ROS1: variants seen among roughly 807,000 people sequenced by gnomAD.
ROS1 encodes ROS proto-oncogene 1, receptor tyrosine kinase, also known as proto-oncogene tyrosine-protein kinase ROS.
Under a neutral mutation model 273.5 loss-of-function variants are expected in ROS1, and 263 were observed. That is an observed-to-expected ratio of 0.96 (90% CI 0.87 to 1.06). ROS1 has a LOEUF of 1.06. Ranked by LOEUF, ROS1 falls within the 50% of genes least tolerant of loss-of-function variation. ROS1 has a pLI of 0.00. For synonymous variants in ROS1, 1,008 were observed against 954.1 expected, an observed-to-expected ratio of 1.06 and a Z score of -1.04; for missense variants, 2,833 against 2,751.1, an observed-to-expected ratio of 1.03 and a Z score of -0.67.
At chr6:117,313,153 G>A (rs1199189571) in intron 39 of ROS1, among the ~76,000 whole-genome samples, 1 of 152,080 alleles carries the variant, frequency 6.6e-6, no homozygotes, top group African/African-American at 2.4e-5. Flanking sequence ...AAACACCCAG[G>A]AAAAATTTGG....
intron 33 of ROS1, chr6:117,328,870 T>A (rs2128591323): frequency 1.6e-6 from 1 of 613,044 alleles, no homozygotes; most frequent in Non-Finnish European, 3.2e-6. Flanking sequence ...CTGTGTGACC[T>A]CTACACTTCA....
At chr6:117,321,875 G>A (rs1172494284) in intron 35 of ROS1, among the ~76,000 whole-genome samples, 1 of 94,366 alleles carries the variant, frequency 1.1e-5, no homozygotes, top group South Asian at 3.3e-4. Flanking sequence ...GTTTATCATT[G>A]TTGTTCATAT....
At chr6:117,315,473 A>T (rs1052328843) in intron 39 of ROS1, among the ~76,000 whole-genome samples, 1 of 152,130 alleles carries the variant, frequency 6.6e-6, no homozygotes, top group Non-Finnish European at 1.5e-5. Flanking sequence ...GAGGCAAAAA[A>T]CAGACCACTG....
At chr6:117,383,087 A>G (rs1405984149) in intron 17 of ROS1, among the ~76,000 whole-genome samples, 3 of 152,144 alleles carry the variant, frequency 2.0e-5, no homozygotes, top group African/African-American at 7.2e-5. Flanking sequence ...TCCATAGTGC[A>G]TTTGAACTTA....
In ROS1 at chr6:117,311,127, A is replaced by G. The variant is rs1270871122; in HGVS notation, c.6118-10T>C. ...GTAAAGGACCATAAAACTGTAAGAAATGAAAGAAAAATTACAGGTAGTTAT... is the reference window on the plus strand; with the variant it reads ...GTAAAGGACCATAAAACTGTAAGAAGTGAAAGAAAAATTACAGGTAGTTAT... On this transcript the variant is annotated splice_polypyrimidine_tract_variant and intron_variant, in intron 39 of 43. Transcript: ENST00000368507. 1 of 1,542,328 alleles carries G rather than the reference A, an allele frequency of 6.5e-7. No individual in the cohort carries two copies.
chr6:117,358,052 T>A (rs773586096), intron 24 of ROS1, 43 bp from the exon 25 acceptor site: 2 of 1,365,604 alleles, frequency 1.5e-6, no homozygotes, highest in East Asian at 4.6e-5. Flanking sequence ...AGAGTGGTTA[T>A]TTTTTTATTT....
intron 6 of ROS1, among the ~76,000 whole-genome samples, chr6:117,403,882 C>T (rs1021770081): frequency 2.6e-5 from 4 of 151,342 alleles, no homozygotes; most frequent in Non-Finnish European, 5.9e-5. Flanking sequence ...CCCAACTACC[C>T]ATCTTACAGC....
chr6:117,369,446 C>T (rs527786685), intron 18 of ROS1, among the ~76,000 whole-genome samples: 21 of 151,986 alleles, frequency 1.4e-4, no homozygotes, highest in Non-Finnish European at 2.5e-4. Flanking sequence ...TGTTGGCGGG[C>T]GCCTGTAGTC....
rs576196461 is a variant in ROS1, at chr6:117,339,634, G to A, written c.5061+1501C>T. ...TTTACTGTACTCATAGTTAGTATTT[G>A]TAGATGGCCACTCATGTACAAATGA... On this transcript the variant is annotated intron_variant, in intron 31 of 43. Coordinates refer to ENST00000368507, the MANE Select transcript of ROS1 (RefSeq NM_001378902.1). 1.2e-4 allele frequency among the ~76,000 whole-genome samples: 18 copies of A among 152,202 alleles called. No individual in the cohort carries two copies. The South Asian group carries it at 3.7e-3, about 32-fold the overall frequency.
Position 117,425,804 on chromosome 6 carries a change from T to G in ROS1, c.-148A>C. The G allele has an allele frequency of 1.3e-6, 1 of 787,854 alleles. No individual in the cohort carries two copies. The highest frequency in any genetic ancestry group is 1.6e-5 in the South Asian group (1 of 62,852). The allele number at this position is 787,854 out of a possible 1,614,324, so 48.8% of individuals were successfully genotyped here. On this transcript the variant is annotated 5_prime_UTR_variant, in exon 1 of 44. Coordinates refer to ENST00000368507, the MANE Select transcript of ROS1 (RefSeq NM_001378902.1). The stretch of plus-strand genomic sequence containing the variant: ...GCTATATTAGGATATACTTGCCTTT[T>G]GAAATAATACTTAGCCTTTTTCATT...
intron 12 of ROS1, 73 bp downstream of exon 12, chr6:117,393,151 T>G (rs1773201253): frequency 1.1e-6 from 1 of 910,222 alleles, no homozygotes; most frequent in Non-Finnish European, 1.8e-6. Context: ...CAATGTTTCA[T>G]TAGCAAGCAA....
At chr6:117,352,628 G>T (rs1778969997) in intron 27 of ROS1, among the ~76,000 whole-genome samples, 1 of 152,130 alleles carries the variant, frequency 6.6e-6, no homozygotes, top group South Asian at 2.1e-4. Flanking sequence ...TTGAAAACAA[G>T]GTTGTATGCA....
chr6:117,391,454 G>A (rs1773060665), intron 12 of ROS1, among the ~76,000 whole-genome samples: 1 of 152,178 alleles, frequency 6.6e-6, no homozygotes, highest in African/African-American at 2.4e-5. Flanking sequence ...AGAAGCTGGG[G>A]TGGAAGAAGA....
At chr6:117,359,375 G>A (rs1483309336) in intron 24 of ROS1, among the ~76,000 whole-genome samples, 1 of 152,166 alleles carries the variant, frequency 6.6e-6, no homozygotes, top group Non-Finnish European at 1.5e-5. Context: ...ACCCTATGAT[G>A]AGGTATTACT....
At position 117,360,336 on chromosome 6, in the gene ROS1, AAAT is replaced by A. The variant is rs1288700743; in HGVS notation, c.3430+3_3430+5del. On this transcript the variant is annotated splice_donor_5th_base_variant and intron_variant, in intron 23 of 43. Coordinates refer to ENST00000368507, the MANE Select transcript of ROS1 (RefSeq NM_001378902.1). ...ATTATTTGCACAGATTTTAGAAAAC[AAAT>A]ACCTGATGTTGTAGACTTTACAACG... 6.8e-6 allele frequency: 11 copies of A among 1,610,842 alleles called. No homozygotes were observed. The highest frequency in any genetic ancestry group is 9.3e-6 in the Non-Finnish European group (11 of 1,177,584).
At chr6:117,318,819 G>A (rs112933039) in intron 37 of ROS1, among the ~76,000 whole-genome samples, 1,972 of 152,168 alleles carry the variant, frequency 0.013, 10 homozygotes, top group South Asian at 0.029. Context: ...TCCCTGGCCC[G>A]AATGAAGATG....
At chr6:117,369,899 G>A (rs1289467017) in intron 18 of ROS1, among the ~76,000 whole-genome samples, 1 of 151,954 alleles carries the variant, frequency 6.6e-6, no homozygotes, top group African/African-American at 2.4e-5. Flanking sequence ...CTATCTACAT[G>A]CATCCACGTG....
intron 43 of ROS1, among the ~76,000 whole-genome samples, chr6:117,295,472 G>A (rs1306155086): frequency 6.6e-6 from 1 of 152,098 alleles, no homozygotes; most frequent in Admixed American, 6.5e-5. Context: ...GGCAGTCAAA[G>A]CAAAAATGGA....
intron 22 of ROS1, among the ~76,000 whole-genome samples, chr6:117,361,846 C>A (rs1469883394): frequency 6.6e-6 from 1 of 151,972 alleles, no homozygotes; most frequent in African/African-American, 2.4e-5. Context: ...CAGCACAGTG[C>A]TTTCCAGCCA....
Sources: gnomAD v4.1 joint callset for allele counts (sites outside exome capture counted in the v4.1 genomes callset) on GRCh38, gnomAD v4.1.1 for gene constraint, MANE v1.5 for transcripts, NCBI Gene and HGNC (gene_info 2026-07-23, HGNC 2026-07-21) for gene names.